The following DAAM2 variants were observed in gnomAD, a reference collection of about 807,000 sequenced individuals.
DAAM2 encodes the protein disheveled-associated activator of morphogenesis 2.
In DAAM2, 39 loss-of-function variants were observed where a neutral mutation model predicts 120.7. The ratio of observed to expected loss-of-function variants is 0.32; its 90% CI spans 0.25 to 0.42. DAAM2 has a LOEUF of 0.42. DAAM2 is among the 10% of genes least tolerant of loss of function. The probability of loss-of-function intolerance (pLI) is 1.00; values close to 1 mark genes in which losing one functional copy is unlikely to be tolerated. For synonymous variants in DAAM2, 488 were observed against 524.9 expected, an observed-to-expected ratio of 0.93 and a Z score of 0.96; for missense variants, 1,283 against 1,401.7, an observed-to-expected ratio of 0.92 and a Z score of 1.35.
chr6:39,812,829 C>T (rs1485039187), intron 1 of DAAM2, among the ~76,000 whole-genome samples: 1 of 152,172 alleles, frequency 6.6e-6, no homozygotes, highest in Non-Finnish European at 1.5e-5. Flanking sequence ...GCCAGCAATT[C>T]ATTAGTCTTT....
intron 1 of DAAM2, among the ~76,000 whole-genome samples, chr6:39,813,922 A>G (rs1448837117): frequency 1.3e-5 from 2 of 152,232 alleles, no homozygotes; most frequent in Non-Finnish European, 2.9e-5. Context: ...ATGAGGAGAT[A>G]AGTCAAGTGA....
chr6:39,815,519 T>C (rs1015549557), intron 1 of DAAM2, among the ~76,000 whole-genome samples: 12 of 152,154 alleles, frequency 7.9e-5, no homozygotes, highest in Non-Finnish European at 4.4e-5. Context: ...CTGTGTCTGT[T>C]AAACACAGTT....
chr6:39,855,448 C>G (rs2504103), intron 1 of DAAM2, among the ~76,000 whole-genome samples: 92,623 of 151,132 alleles, frequency 0.61, 28,341 homozygotes, highest in Middle Eastern at 0.7. Flanking sequence ...TCTGTAGTTG[C>G]CTGGTATGAA....
At chr6:39,797,904 T>C (rs1049099017) in intron 1 of DAAM2, among the ~76,000 whole-genome samples, 2 of 152,220 alleles carry the variant, frequency 1.3e-5, no homozygotes, top group African/African-American at 2.4e-5. Flanking sequence ...AAGTTGTCAA[T>C]TTCAACAGTG....
intron 2 of DAAM2, among the ~76,000 whole-genome samples, chr6:39,859,459 G>T (rs1251413046): frequency 6.6e-6 from 1 of 152,230 alleles, no homozygotes; most frequent in African/African-American, 2.4e-5. Flanking sequence ...GATTAAATCT[G>T]CAAGAGTCTT....
In DAAM2 at chr6:39,901,396, C is replaced by T. The variant is rs1766470503; in HGVS notation, c.2906C>T (p.Ser969Leu). The T allele has an allele frequency of 1.9e-6, 3 of 1,613,796 alleles. No individual in the cohort carries two copies. Among genetic ancestry groups the T allele is most frequent in the Non-Finnish European group, 8.5e-7 (1 of 1,179,878 alleles). ...GIFDTFLQAF[S>L]EARQDLEAMR... is the part of the protein sequence containing the mutation. ...TTTGATACCTTCTTGCAGGCCTTCTCAGAGGCCCGGCAGGATCTAGAGGCC... is the reference window on the plus strand; with the variant it reads ...TTTGATACCTTCTTGCAGGCCTTCTTAGAGGCCCGGCAGGATCTAGAGGCC... Residue 969 changes from serine (S) to leucine (L), a missense_variant, in exon 24 of 25, where the codon TCA becomes TTA. Ser to Leu is a moderately radical substitution (Grantham distance 145, BLOSUM62 -2). Coordinates refer to ENST00000274867, the MANE Select transcript of DAAM2 (RefSeq NM_001201427.2). The surrounding 1 kb of genome is among the most constrained non-coding windows in gnomAD (Gnocchi z 4.5).
chr6:39,902,166 G>A lies in DAAM2; in HGVS notation c.*129G>A. On this transcript the variant is annotated 3_prime_UTR_variant, in exon 25 of 25. Transcript: ENST00000274867. ...GCCTTGGGCTGGGTCCTGGGATGGG[G>A]GGCTGTGTGTGGCTGGACCAGGTGT... 1 of 733,494 alleles carries A rather than the reference G, an allele frequency of 1.4e-6. No homozygotes were observed. The highest frequency in any genetic ancestry group is 2.1e-6 in the Non-Finnish European group (1 of 470,442). 45.4% of individuals were successfully genotyped at this position (733,494 alleles called of 1,614,324 possible).
At chr6:39,814,898 A>G (rs1257639673) in intron 1 of DAAM2, among the ~76,000 whole-genome samples, 1 of 152,170 alleles carries the variant, frequency 6.6e-6, no homozygotes, top group Admixed American at 6.5e-5. Context: ...TCTCTTCAGT[A>G]TTAGCCTGAT....
intron 1 of DAAM2, among the ~76,000 whole-genome samples, chr6:39,817,311 A>G (rs1562001036): frequency 6.6e-6 from 1 of 152,202 alleles, no homozygotes; most frequent in Non-Finnish European, 1.5e-5. Context: ...TGAGCACTTC[A>G]GTCAGTAAAA....
intron 22 of DAAM2, chr6:39,899,865 G>T: frequency 2.1e-6 from 1 of 477,500 alleles, no homozygotes; most frequent in South Asian, 2.8e-5. Context: ...CACATGTTGG[G>T]TCTCAGTGCT....
intron 1 of DAAM2, among the ~76,000 whole-genome samples, chr6:39,837,916 C>T (rs1262366590): frequency 6.6e-6 from 1 of 152,174 alleles, no homozygotes; most frequent in Non-Finnish European, 1.5e-5. Flanking sequence ...AGAATCAAAA[C>T]AGGCCCCCTC....
At chr6:39,892,521 C>T (rs773914613) in intron 19 of DAAM2, among the ~76,000 whole-genome samples, 2 of 152,004 alleles carry the variant, frequency 1.3e-5, no homozygotes, top group African/African-American at 2.4e-5. Context: ...CAGGGAGGGG[C>T]GTGGAGTTGT....
chr6:39,879,576 T>C, intron 14 of DAAM2, 99 bp downstream of exon 14: 1 of 1,529,898 alleles, frequency 6.5e-7, no homozygotes, highest in Non-Finnish European at 9.1e-7. Context: ...CCACTCTGGG[T>C]CCTTTCTTTG....
At chr6:39,889,625 G>C (rs1765583990) in intron 17 of DAAM2, among the ~76,000 whole-genome samples, 1 of 152,044 alleles carries the variant, frequency 6.6e-6, no homozygotes, top group South Asian at 2.1e-4. Context: ...AATAATGTGG[G>C]GGCTGGAGGC....
chr6:39,864,358 C>T (rs759340863), intron 3 of DAAM2, 75 bp from the exon 4 acceptor site: 449 of 1,156,364 alleles, frequency 3.9e-4, no homozygotes, highest in Non-Finnish European at 4.8e-4. Context: ...TCTGCTGACA[C>T]GGAATGAAGC....
chr6:39,875,589 G>A, intron 11 of DAAM2, 121 bp downstream of exon 11: 1 of 1,223,588 alleles, frequency 8.2e-7, no homozygotes, highest in Non-Finnish European at 1.1e-6. Flanking sequence ...ATGAGTCTTG[G>A]GCAGCATGGT....
intron 15 of DAAM2, 139 bp from the exon 16 acceptor site, chr6:39,887,347 C>G: frequency 1.6e-6 from 1 of 614,448 alleles, no homozygotes. Flanking sequence ...CCACCCTCCT[C>G]TCTCTCCTGT....
intron 8 of DAAM2, 62 bp downstream of exon 8, chr6:39,870,505 G>A (rs1764614723): frequency 1.9e-6 from 2 of 1,080,674 alleles, no homozygotes; most frequent in South Asian, 1.3e-5. Flanking sequence ...GATGGGGATA[G>A]TTGGGACCTT....
rs1582734097 is a variant in DAAM2 at position 39,883,888 on chromosome 6, G to A, written c.1846-74G>A. On this transcript the variant is annotated intron_variant, in intron 14 of 24. Transcript: ENST00000274867. ...TATGTGCAGTTGGGAGATAAGTGGG[G>A]TTAGGGAGGCATGGAGCATCTTCAT... The A allele has an allele frequency of 1.7e-5, 16 of 941,632 alleles. No individual in the cohort carries two copies. In the East Asian group the frequency reaches 4.0e-4, roughly 23 times the overall value. The allele number at this position is 941,632 out of a possible 1,614,324, so 58.3% of individuals were successfully genotyped here. A position where few individuals can be genotyped will look rare whatever the true frequency, so the allele number is the denominator to read the frequency against.
Sources: allele counts gnomAD v4.1 joint callset (sites outside exome capture counted in the v4.1 genomes callset), GRCh38; gene constraint gnomAD v4.1.1; non-coding constraint Gnocchi (gnomAD v3.1); transcripts MANE v1.5; gene names NCBI Gene and HGNC (gene_info 2026-07-23, HGNC 2026-07-21).